The following IL1R1 variants were observed in gnomAD, a reference collection of about 807,000 sequenced individuals.
The protein encoded by IL1R1 is interleukin 1 receptor type 1, also known as interleukin-1 receptor type 1.
IL1R1 carries 22 observed loss-of-function variants against 50.2 expected under a neutral mutation model. The ratio of observed to expected loss-of-function variants is 0.44; its 90% CI spans 0.31 to 0.63. The LOEUF (loss-of-function observed/expected upper bound fraction) is 0.63, where lower values mean the gene tolerates loss of function less well. Among genes scored for constraint, IL1R1 ranks in the 20% least tolerant of loss-of-function variants. The pLI, the probability that IL1R1 is intolerant of heterozygous loss-of-function variation, is 0.07. For missense variants in IL1R1, 509 were observed against 676.2 expected, an observed-to-expected ratio of 0.75 and a Z score of 2.74; for synonymous variants, 251 against 236.7, an observed-to-expected ratio of 1.06 and a Z score of -0.55.
At chr2:102,134,039 G>GT (rs1417452588) in intron 1 of IL1R1, among the ~76,000 whole-genome samples, 1 of 152,196 alleles carries the variant, frequency 6.6e-6, no homozygotes. Flanking sequence ...TAATAAATGA[G>GT]TTTTGGAGGT....
intron 1 of IL1R1, among the ~76,000 whole-genome samples, chr2:102,093,017 G>A (rs962901596): frequency 6.6e-6 from 1 of 152,194 alleles, no homozygotes; most frequent in South Asian, 2.1e-4. Flanking sequence ...TGAAGGTGCT[G>A]ATTAGCAGTT....
chr2:102,174,745 T>C lies in IL1R1; in HGVS notation c.1135+15T>C. ...CCCAATAAAAGGTATAATTTTGTAT[T>C]CCATGCAGTATTTCTTGTTGGAGAT... On this transcript the variant is annotated intron_variant, in intron 10 of 11. Transcript: ENST00000410023. 1 of 1,597,718 alleles carries C rather than the reference T, an allele frequency of 6.3e-7. No homozygotes were observed. The highest frequency in any genetic ancestry group is 2.2e-5 in the East Asian group (1 of 44,656).
At chr2:102,129,005 C>T (rs1226245911) in intron 1 of IL1R1, among the ~76,000 whole-genome samples, 1 of 152,094 alleles carries the variant, frequency 6.6e-6, no homozygotes, top group East Asian at 1.9e-4. Flanking sequence ...AGTTTGTGCC[C>T]AGCTTGGGCC....
intron 7 of IL1R1, 69 bp downstream of exon 7, chr2:102,168,732 T>G: frequency 9.2e-7 from 1 of 1,087,790 alleles, no homozygotes; most frequent in Non-Finnish European, 1.4e-6. Flanking sequence ...GTAAGATAAA[T>G]TGTATCTTTA....
At position 102,165,281 on chromosome 2, in the gene IL1R1, T is replaced by C. The variant is rs1451021078; in HGVS notation, c.463T>C (p.Leu155=). 1 of 1,565,792 alleles carries C rather than the reference T, an allele frequency of 6.4e-7. No individual in the cohort carries two copies. ...MEFFKNENNE[L]PKLQWYKDCK... ...GTTTTTTAAAAATGAAAATAATGAGTTACCTAAATTACAGTGGTATAAGGT... is the reference window on the plus strand; with the variant it reads ...GTTTTTTAAAAATGAAAATAATGAGCTACCTAAATTACAGTGGTATAAGGT... Residue 155 remains leucine (L), a synonymous_variant, in exon 5 of 12, where the codon TTA becomes CTA. Coordinates refer to ENST00000410023, the MANE Select transcript of IL1R1 (RefSeq NM_000877.4).
intron 3 of IL1R1, among the ~76,000 whole-genome samples, chr2:102,159,192 G>T (rs1325803301): frequency 6.6e-6 from 1 of 152,180 alleles, no homozygotes; most frequent in African/African-American, 2.4e-5. Context: ...GAAAGGTCTG[G>T]GTTGAATATA....
Position 102,154,955 on chromosome 2 carries a change from T to A in IL1R1, c.-7+938T>A, listed in dbSNP as rs535988904. Among the ~76,000 whole-genome samples the A allele has an allele frequency of 2.5e-3, 382 of 152,264 alleles. 3 individuals carry two copies. The highest frequency in any genetic ancestry group is 7.3e-3 in the African/African-American group (304 of 41,554). ...TTAGCCTCTGTCTCCCCTCCTGCCC[T>A]GGGCATGGCTCTTCCAGTAGACACC... is the stretch of plus-strand genomic sequence containing the variant. On this transcript the variant is annotated intron_variant, in intron 2 of 11. Transcript: ENST00000410023.
At chr2:102,110,689 G>A (rs1041603254) in intron 1 of IL1R1, among the ~76,000 whole-genome samples, 15 of 151,878 alleles carry the variant, frequency 9.9e-5, no homozygotes, top group African/African-American at 3.6e-4. Flanking sequence ...CTCAGGTTGG[G>A]CATCTATTCA....
intron 1 of IL1R1, among the ~76,000 whole-genome samples, chr2:102,119,102 C>T (rs943907506): frequency 6.6e-6 from 1 of 150,682 alleles, no homozygotes; most frequent in African/African-American, 2.5e-5. Context: ...TCAAAATAAG[C>T]ATATCTGAGC....
chr2:102,174,399 T>C (rs999757690), intron 9 of IL1R1, among the ~76,000 whole-genome samples, 188 bp from the exon 10 acceptor site: 2 of 152,238 alleles, frequency 1.3e-5, no homozygotes, highest in African/African-American at 4.8e-5. Context: ...TGCACCTTAG[T>C]TTTATCATTG....
chr2:102,100,963 G>T (rs1005936324), upstream of IL1R1, among the ~76,000 whole-genome samples: 3 of 152,136 alleles, frequency 2.0e-5, no homozygotes, highest in African/African-American at 4.8e-5. Flanking sequence ...GACCACAAAG[G>T]TTACCAGTGG....
intron 2 of IL1R1, among the ~76,000 whole-genome samples, chr2:102,154,602 G>A (rs1019547081): frequency 3.9e-5 from 6 of 152,072 alleles, no homozygotes; most frequent in African/African-American, 1.4e-4. Flanking sequence ...CCGCCTGCCT[G>A]TCTGTCACTG....
In IL1R1 at chr2:102,174,564, C is replaced by CT. The variant is rs3917315; in HGVS notation, c.992-14dup. 2.2e-3 allele frequency: 3,313 copies of CT among 1,478,398 alleles called. 8 individuals are homozygous for CT. Among genetic ancestry groups the CT allele is most frequent in the African/African-American group, 0.018 (1,218 of 69,526 alleles). 91.6% of individuals were successfully genotyped at this position (1,478,398 alleles called of 1,614,324 possible). A position where few individuals can be genotyped will look rare whatever the true frequency, so the allele number is the denominator to read the frequency against. On this transcript the variant is annotated intron_variant, in intron 9 of 11. Coordinates refer to ENST00000410023, the MANE Select transcript of IL1R1 (RefSeq NM_000877.4). ...CTTTTTGGTTCTAATATTTTTTCTCCTTTTTTTTTCTTTTTGCTATAGTCA... is the reference window on the plus strand; with the variant it reads ...CTTTTTGGTTCTAATATTTTTTCTCCTTTTTTTTTTCTTTTTGCTATAGTCA...
intron 3 of IL1R1, among the ~76,000 whole-genome samples, chr2:102,158,528 G>A (rs3917243): frequency 0.39 from 58,891 of 152,022 alleles, 12,447 homozygotes; most frequent in Admixed American, 0.48. Flanking sequence ...TCAGATTGGG[G>A]TGTGGAAATA....
Position 102,172,677 on chromosome 2 carries a change from T to A in IL1R1, c.840-10T>A. 3 of 1,595,560 alleles carry A rather than the reference T, an allele frequency of 1.9e-6. No homozygotes were observed. Among genetic ancestry groups the A allele is most frequent in the Non-Finnish European group, 2.6e-6 (3 of 1,169,688 alleles). On this transcript the variant is annotated splice_polypyrimidine_tract_variant and intron_variant, in intron 8 of 11. Coordinates refer to ENST00000410023, the MANE Select transcript of IL1R1 (RefSeq NM_000877.4). ...CTTACACAAGTTTATTTACTCTCTC[T>A]CTCGAATAGTGTGGAAAATCCTGCA...
At chr2:102,143,600 AC>A (rs1682863599) in intron 1 of IL1R1, among the ~76,000 whole-genome samples, 1 of 152,066 alleles carries the variant, frequency 6.6e-6, no homozygotes, top group Non-Finnish European at 1.5e-5. Flanking sequence ...TGCTGTCATC[AC>A]CCCTGTTTTA....
intron 1 of IL1R1, among the ~76,000 whole-genome samples, chr2:102,124,468 TTA>T (rs1201081564): frequency 2.0e-5 from 3 of 146,924 alleles, no homozygotes; most frequent in Admixed American, 2.0e-4. Flanking sequence ...ACTGGGTAAT[TTA>T]TAAGGAAAAG....
Position 102,154,482 on chromosome 2 carries a change from T to A in IL1R1, c.-7+465T>A, listed in dbSNP as rs771402034. On this transcript the variant is annotated intron_variant, in intron 2 of 11. Transcript: ENST00000410023. ...CTTTTCCGAGCTGTCTGTGGGTACC[T>A]GAACCTGCCCCCCAACCTGGCCCTT... Among the ~76,000 whole-genome samples, 5 of 152,342 alleles carry A rather than the reference T, an allele frequency of 3.3e-5. No homozygotes were observed. In the East Asian group the frequency reaches 9.6e-4, roughly 29 times the overall value.
intron 3 of IL1R1, among the ~76,000 whole-genome samples, chr2:102,161,748 G>A (rs1292265966): frequency 1.3e-5 from 2 of 152,034 alleles, no homozygotes; most frequent in Non-Finnish European, 2.9e-5. Flanking sequence ...CACCCAGGCT[G>A]GAGTGCAGTG....
Sources: allele counts gnomAD v4.1 joint callset (sites outside exome capture counted in the v4.1 genomes callset), GRCh38; gene constraint gnomAD v4.1.1; transcripts MANE v1.5; gene names NCBI Gene and HGNC (gene_info 2026-07-23, HGNC 2026-07-21).